TBC1D13: variants seen among roughly 807,000 people sequenced by gnomAD.
The protein encoded by TBC1D13 is epididymis secretory sperm binding protein.
TBC1D13 carries 40 observed loss-of-function variants against 53.6 expected under a neutral mutation model. The observed-to-expected ratio is 0.75, with a 90% CI of 0.58 to 0.97. The LOEUF (loss-of-function observed/expected upper bound fraction) is 0.97, where lower values mean the gene tolerates loss of function less well. Ranked by LOEUF, TBC1D13 falls within the 50% of genes least tolerant of loss-of-function variation. The probability of loss-of-function intolerance (pLI) is 0.00; values close to 1 mark genes in which losing one functional copy is unlikely to be tolerated. For missense variants in TBC1D13, 377 were observed against 499.4 expected (o/e 0.75, Z 2.34); for synonymous variants, 182 against 197.7 (o/e 0.92, Z 0.67).
chr9:128,804,723 T>TG (rs1350855016), intron 9 of TBC1D13, among the ~76,000 whole-genome samples: 177 of 75,256 alleles, frequency 2.4e-3, no homozygotes, highest in Admixed American at 3.9e-3. Context: ...TTTTTCTGTT[T>TG]TTTTTTTTTT....
chr9:128,788,680 C>G (rs1829474547), intron 2 of TBC1D13, among the ~76,000 whole-genome samples: 1 of 151,416 alleles, frequency 6.6e-6, no homozygotes, highest in African/African-American at 2.4e-5. Flanking sequence ...GTGCCAGATT[C>G]CTGAGAGTAA....
intron 1 of TBC1D13, among the ~76,000 whole-genome samples, chr9:128,787,967 TTGG>T (rs1388250992): frequency 6.6e-6 from 1 of 152,100 alleles, no homozygotes; most frequent in Non-Finnish European, 1.5e-5. Context: ...AGGAGTTCAG[TTGG>T]TGGCTGTGCG....
At chr9:128,787,491 A>G in intron 1 of TBC1D13, 115 bp downstream of exon 1, 1 of 1,099,088 alleles carries the variant, frequency 9.1e-7, no homozygotes, top group Non-Finnish European at 1.2e-6. Context: ...CCCTCGGCAG[A>G]GGGTCTCGAG....
chr9:128,805,896 G>A lies in TBC1D13; in HGVS notation c.956G>A (p.Arg319His), dbSNP rs746791624. ...ATCAAGCCTCAGTTCTTTGCCTTCC[G>A]CTGGCTGACACTGCTGCTGTCCCAG... The part of the protein sequence containing the change: ...QNIKPQFFAF[R>H]WLTLLLSQEF... Residue 319 changes from arginine to histidine, a missense_variant, in exon 10 of 12, where the codon CGC (arginine) becomes CAC (histidine). Transcript: ENST00000372648. 4 of 1,613,912 alleles carry A rather than the reference G, an allele frequency of 2.5e-6. No individual in the cohort carries two copies. The highest frequency in any genetic ancestry group is 2.2e-5 in the East Asian group (1 of 44,886).
intron 2 of TBC1D13, among the ~76,000 whole-genome samples, chr9:128,790,491 T>C (rs1223083022): frequency 6.6e-6 from 1 of 152,130 alleles, no homozygotes; most frequent in Admixed American, 6.6e-5. Context: ...GGAGAATCGC[T>C]GGAACTCGGG....
chr9:128,800,715 A>G (rs1314152051), intron 7 of TBC1D13, among the ~76,000 whole-genome samples: 1 of 152,184 alleles, frequency 6.6e-6, no homozygotes, highest in Non-Finnish European at 1.5e-5. Flanking sequence ...AGGAGAGTAC[A>G]CTGGATAACT....
chr9:128,789,569 G>A (rs1829491841), intron 2 of TBC1D13, among the ~76,000 whole-genome samples: 1 of 151,802 alleles, frequency 6.6e-6, no homozygotes, highest in African/African-American at 2.4e-5. Flanking sequence ...CGACAATTAC[G>A]TTAATCTTCC....
chr9:128,787,298 G>C lies in TBC1D13; in HGVS notation c.-56G>C. Reference sequence around the variant, plus strand: ...GGGGGGCGGCGGCGGCGGCGGCAGCGCAGGCGGCAGAGGCGCAGGCGGCGG... The same window carrying C: ...GGGGGGCGGCGGCGGCGGCGGCAGCCCAGGCGGCAGAGGCGCAGGCGGCGG... On this transcript the variant is annotated 5_prime_UTR_variant, in exon 1 of 12. Transcript: ENST00000372648. The C allele has an allele frequency of 8.0e-7, 1 of 1,254,304 alleles. No homozygotes were observed. The highest frequency in any genetic ancestry group is 1.0e-6 in the Non-Finnish European group (1 of 993,348). The allele number at this position is 1,254,304 out of a possible 1,614,324, so 77.7% of individuals were successfully genotyped here.
At position 128,808,338 on chromosome 9, in the gene TBC1D13, G is replaced by A. The variant is rs530711815; in HGVS notation, c.*459G>A. The A allele has an allele frequency of 3.6e-5, 8 of 222,398 alleles. No individual in the cohort carries two copies. The South Asian group carries it at 4.6e-4, about 13-fold the overall frequency. 13.8% of individuals were successfully genotyped at this position (222,398 alleles called of 1,614,324 possible). A position where few individuals can be genotyped will look rare whatever the true frequency, so the allele number is the denominator to read the frequency against. ...GCGACACTGAAAGCTGAGTCCTGCC[G>A]TCTGTCTCACCCACAGATGTCTGTA... On this transcript the variant is annotated 3_prime_UTR_variant, in exon 12 of 12. Transcript: ENST00000372648.
At chr9:128,796,354 ATTC>A (rs1323099639) in intron 6 of TBC1D13, among the ~76,000 whole-genome samples, 1 of 151,724 alleles carries the variant, frequency 6.6e-6, no homozygotes, top group Non-Finnish European at 1.5e-5. Context: ...GGTTCAAGCG[ATTC>A]TTCTGCCTCA....
At chr9:128,789,190 G>A (rs1829483110) in intron 2 of TBC1D13, among the ~76,000 whole-genome samples, 2 of 151,872 alleles carry the variant, frequency 1.3e-5, no homozygotes, top group Admixed American at 1.3e-4. Context: ...GGGCTTGGTG[G>A]CACTTGCCTG....
intron 5 of TBC1D13, among the ~76,000 whole-genome samples, 185 bp from the exon 6 acceptor site, chr9:128,792,307 C>T (rs1044822775): frequency 1.3e-5 from 2 of 152,162 alleles, no homozygotes; most frequent in African/African-American, 2.4e-5. Context: ...GGAGTTTGAA[C>T]GGATTCAGGA....
At position 128,787,344 on chromosome 9, in the gene TBC1D13, A is replaced by G. The variant is rs1216656625; in HGVS notation, c.-10A>G. 4.0e-6 allele frequency: 5 copies of G among 1,260,286 alleles called. No homozygotes were observed. Among genetic ancestry groups the G allele is most frequent in the Non-Finnish European group, 5.0e-6 (5 of 996,250 alleles). 78.1% of individuals were successfully genotyped at this position (1,260,286 alleles called of 1,614,324 possible). A position where few individuals can be genotyped will look rare whatever the true frequency, so the allele number is the denominator to read the frequency against. On this transcript the variant is annotated 5_prime_UTR_variant, in exon 1 of 12. Coordinates refer to ENST00000372648, the MANE Select transcript of TBC1D13 (RefSeq NM_018201.5). ...GGCGGAGGCGGCTGGGGGGTCCGGA[A>G]GTCAACACCATGTCAAGTCTGCACA...
intron 6 of TBC1D13, 93 bp downstream of exon 6, chr9:128,792,667 G>A: frequency 5.9e-6 from 7 of 1,181,728 alleles, no homozygotes; most frequent in Admixed American, 2.0e-5. Context: ...GGGCCTATGG[G>A]TGAGTGTTTG....
chr9:128,787,930 CAA>C (rs1829459842), intron 1 of TBC1D13, among the ~76,000 whole-genome samples: 1 of 152,106 alleles, frequency 6.6e-6, no homozygotes, highest in African/African-American at 2.4e-5. Flanking sequence ...GTCTGCATAT[CAA>C]ATTACTCCTG....
chr9:128,798,685 A>G (rs538385098), intron 7 of TBC1D13, among the ~76,000 whole-genome samples: 1 of 152,250 alleles, frequency 6.6e-6, no homozygotes, highest in South Asian at 2.1e-4. Context: ...TTGTAGTCAA[A>G]CAAGTATATT....
At chr9:128,806,433 C>G (rs1829836290) in intron 11 of TBC1D13, 122 bp downstream of exon 11, 7 of 1,138,502 alleles carry the variant, frequency 6.1e-6, no homozygotes, top group Middle Eastern at 2.6e-4. Flanking sequence ...GGATTAAAGT[C>G]CAGACCCCTG....
chr9:128,789,127 GCCTGGCCAACATGGTGAAA>G (rs1829482238), intron 2 of TBC1D13, among the ~76,000 whole-genome samples: 1 of 152,004 alleles, frequency 6.6e-6, no homozygotes, highest in African/African-American at 2.4e-5. Flanking sequence ...TTCGAGAACA[GCCTGGCCAACATGGTGAAA>G]CCTAGTCTCT....
chr9:128,803,277 C>T lies in TBC1D13; in HGVS notation c.571C>T (p.Pro191Ser), dbSNP rs575838476. ...NMSSPHKNSVPSSLNEYEVLP... is the reference protein window; with the variant it reads ...NMSSPHKNSVSSSLNEYEVLP... Reference sequence around the variant, plus strand: ...GAGCTCCCCACACAAGAACTCTGTGCCATCATCCCTAAATGAGTATGAGGT... The same window carrying T: ...GAGCTCCCCACACAAGAACTCTGTGTCATCATCCCTAAATGAGTATGAGGT... The change falls in exon 8 of 12, where the codon CCA (proline) becomes TCA (serine). Residue 191 changes from proline (P) to serine (S), a missense_variant. Physicochemically the swap from Pro to Ser is moderately conservative, Grantham distance 74. Transcript: ENST00000372648. The T allele has an allele frequency of 3.1e-6, 5 of 1,614,208 alleles. No individual in the cohort carries two copies. The African/African-American group carries it at 4.0e-5, about 13-fold the overall frequency.
Sources: allele counts gnomAD v4.1 joint callset (sites outside exome capture counted in the v4.1 genomes callset), GRCh38; gene constraint gnomAD v4.1.1; transcripts MANE v1.5; gene names NCBI Gene and HGNC (gene_info 2026-07-23, HGNC 2026-07-21).